The following ZNF837 variants were observed in gnomAD, a reference collection of about 807,000 sequenced individuals.
ZNF837 encodes the protein zinc finger protein 837.
For synonymous variants in ZNF837, 475 were observed against 365.2 expected (o/e 1.30, Z -3.43); for missense variants, 955 against 801.7 (o/e 1.19, Z -2.31).
chr19:58,376,615 A>C (rs1273938681), intron 1 of ZNF837, among the ~76,000 whole-genome samples: 1 of 151,312 alleles, frequency 6.6e-6, no homozygotes, highest in Non-Finnish European at 1.5e-5. Flanking sequence ...AAAGGAAAAA[A>C]AAAGAGAAAA....
At chr19:58,380,679 C>T (rs541353745) in intron 1 of ZNF837, among the ~76,000 whole-genome samples, 4 of 152,336 alleles carry the variant, frequency 2.6e-5, no homozygotes, top group South Asian at 4.1e-4. Flanking sequence ...TGGAGCCTCC[C>T]CTCGCGGGCT....
Position 58,369,329 on chromosome 19 carries a change from C to G in ZNF837, c.4G>C (p.Glu2Gln). The G allele has an allele frequency of 7.3e-7, 1 of 1,361,704 alleles. No homozygotes were observed. The highest frequency in any genetic ancestry group is 1.9e-4 in the Middle Eastern group (1 of 5,272). 84.4% of individuals were successfully genotyped at this position (1,361,704 alleles called of 1,614,324 possible). ...TGCCCAGCCTTCTGGGCTGGAGCCT[C>G]CATCCTGGGGCGCAGAGTTCTGGTT... M[E>Q]APAQKAGQGG... The change falls in exon 3 of 3, where the codon GAG becomes CAG. Residue 2 changes from glutamate (E) to glutamine (Q), a missense_variant. Physicochemically the swap from Glu to Gln is conservative, Grantham distance 29. Transcript: ENST00000597582.
chr19:58,373,224 C>T (rs146644952), intron 1 of ZNF837, among the ~76,000 whole-genome samples: 1,753 of 152,354 alleles, frequency 0.012, 14 homozygotes, highest in Non-Finnish European at 0.018. Context: ...ATCTCCCTCC[C>T]TCAAGAGTGG....
rs1317213556 is a variant in ZNF837, at chr19:58,369,119, C to A, written c.214G>T (p.Val72Leu). 2.7e-6 allele frequency: 4 copies of A among 1,484,114 alleles called. No homozygotes were observed. Among genetic ancestry groups the A allele is most frequent in the Non-Finnish European group, 3.6e-6 (4 of 1,119,154 alleles). The allele number at this position is 1,484,114 out of a possible 1,614,324, so 91.9% of individuals were successfully genotyped here. A position where few individuals can be genotyped will look rare whatever the true frequency, so the allele number is the denominator to read the frequency against. ...GGGSRGCSLGVSPGPGTRHSA... is the reference protein window; with the variant it reads ...GGGSRGCSLGLSPGPGTRHSA... The stretch of plus-strand genomic sequence containing the variant: ...TGCCGGGTCCCCGGGCCGGGGCTCA[C>A]CCCGAGGCTGCAGCCCCGGGAGCCC... Residue 72 changes from valine (V) to leucine (L), a missense_variant, in exon 3 of 3, where the codon GTG (valine) becomes TTG (leucine). By Grantham distance (32) the Val-to-Leu change is conservative. Transcript: ENST00000597582.
chr19:58,377,604 C>T (rs2052259820), intron 1 of ZNF837, among the ~76,000 whole-genome samples: 3 of 152,192 alleles, frequency 2.0e-5, no homozygotes, highest in Non-Finnish European at 2.9e-5. Flanking sequence ...CACCACTGCA[C>T]GCCAGCCTGG....
chr19:58,368,339 G>T lies in ZNF837; in HGVS notation c.994C>A (p.Leu332Met). 6.6e-7 allele frequency: 1 copy of T among 1,521,696 alleles called. No homozygotes were observed. The highest frequency in any genetic ancestry group is 8.8e-7 in the Non-Finnish European group (1 of 1,140,162). 94.3% of individuals were successfully genotyped at this position (1,521,696 alleles called of 1,614,324 possible). A position where few individuals can be genotyped will look rare whatever the true frequency, so the allele number is the denominator to read the frequency against. ...CCCAGCCGGAAGGCGCGCCGCGCCA[G>T]GACGGGGCCACGCCGGTGGCGCTCG... ...SAERHRRGPV[L>M]ARRAFRLGCP... Residue 332 changes from leucine (L) to methionine (M), a missense_variant, in exon 3 of 3, where the codon CTG (leucine) becomes ATG (methionine). Physicochemically the swap from Leu to Met is conservative, Grantham distance 15 (BLOSUM62 2). Transcript: ENST00000597582.
At position 58,368,042 on chromosome 19, in the gene ZNF837, G is replaced by A. The variant is rs897288699; in HGVS notation, c.1291C>T (p.Arg431Cys). 4 of 1,535,582 alleles carry A rather than the reference G, an allele frequency of 2.6e-6. No individual in the cohort carries two copies. Among genetic ancestry groups the A allele is most frequent in the African/African-American group, 2.8e-5 (2 of 72,270 alleles). Residue 431 changes from arginine to cysteine, a missense_variant, in exon 3 of 3, where the codon CGC becomes TGC. Transcript: ENST00000597582. ...CGCTGGTGTTGCACCAGGCCCGAGC[G>A]GCCCTTGAAGGCCTTTTCGCACAGT... ...CPLCEKAFKG[R>C]SGLVQHQRAH...
At chr19:58,374,188 T>C (rs1011305127) in intron 1 of ZNF837, among the ~76,000 whole-genome samples, 2 of 152,136 alleles carry the variant, frequency 1.3e-5, no homozygotes, top group Non-Finnish European at 2.9e-5. Flanking sequence ...CACCCCTAGG[T>C]ATCCACCCAA....
At chr19:58,373,278 A>T (rs1359857947) in intron 1 of ZNF837, among the ~76,000 whole-genome samples, 1 of 151,982 alleles carries the variant, frequency 6.6e-6, no homozygotes, top group Non-Finnish European at 1.5e-5. Context: ...ACCTCCCCCC[A>T]CTGTGGGCTC....
At chr19:58,372,358 C>T (rs554604862) in intron 1 of ZNF837, among the ~76,000 whole-genome samples, 2 of 152,080 alleles carry the variant, frequency 1.3e-5, no homozygotes, top group East Asian at 2.0e-4. Flanking sequence ...CGCACCCAGC[C>T]GATATCCATT....
Position 58,368,451 on chromosome 19 carries a change from C to T in ZNF837, c.882G>A (p.Thr294=). The stretch of plus-strand genomic sequence containing the variant: ...CGGCGCACTCGTAGGGCCGCTCGCC[C>T]GTGTGGATGCGCTGGTGCTGCAGCA... ...SSLLQHQRIH[T]GERPYECAEC... is the part of the protein sequence containing the mutation. The change falls in exon 3 of 3, where the codon ACG becomes ACA. Residue 294 remains threonine (T), a synonymous_variant. Coordinates refer to ENST00000597582, the MANE Select transcript of ZNF837 (RefSeq NM_138466.2). 1.9e-6 allele frequency: 3 copies of T among 1,566,444 alleles called. No individual in the cohort carries two copies. The highest frequency in any genetic ancestry group is 2.6e-6 in the Non-Finnish European group (3 of 1,158,366).
rs59075587 is a variant in ZNF837 at position 58,376,554 on chromosome 19, C to CAAAAAAAAAAAAAAAAA, written c.-140+4370_-140+4386dup. Among the ~76,000 whole-genome samples the CAAAAAAAAAAAAAAAAA allele has an allele frequency of 1.8e-3, 122 of 67,790 alleles. 1 individual carries two copies. Among genetic ancestry groups the CAAAAAAAAAAAAAAAAA allele is most frequent in the African/African-American group, 2.2e-3 (34 of 15,556 alleles). The allele number at this position is 67,790 out of a possible 152,430, so 44.5% of individuals were successfully genotyped here. ...TGGGTGACAGAGCAAGACTCTGTCT[C>CAAAAAAAAAAAAAAAAA]AAAAAAAAAAAAAAAAAAAAAAAAA... On this transcript the variant is annotated intron_variant, in intron 1 of 2. Transcript: ENST00000597582.
chr19:58,378,944 G>C (rs2052270035), intron 1 of ZNF837, among the ~76,000 whole-genome samples: 1 of 152,198 alleles, frequency 6.6e-6, no homozygotes, highest in Non-Finnish European at 1.5e-5. Context: ...AGAGCCGTCA[G>C]AGAGCACAGT....
chr19:58,372,840 G>A (rs1158640354), intron 1 of ZNF837, among the ~76,000 whole-genome samples: 1 of 152,238 alleles, frequency 6.6e-6, no homozygotes, highest in Non-Finnish European at 1.5e-5. Flanking sequence ...AGTTGGACAA[G>A]TTCTGCAGGT....
At position 58,369,371 on chromosome 19, in the gene ZNF837, C is replaced by T; in HGVS notation, c.-29-10G>A. 1 of 1,325,190 alleles carries T rather than the reference C, an allele frequency of 7.5e-7. No individual in the cohort carries two copies. The highest frequency in any genetic ancestry group is 2.2e-5 in the South Asian group (1 of 44,826). 82.1% of individuals were successfully genotyped at this position (1,325,190 alleles called of 1,614,324 possible). A position where few individuals can be genotyped will look rare whatever the true frequency, so the allele number is the denominator to read the frequency against. On this transcript the variant is annotated splice_polypyrimidine_tract_variant and intron_variant, in intron 2 of 2. Transcript: ENST00000597582. Reference sequence around the variant, plus strand: ...GTTCTGGTTGTAGGATCTGGAAGAGCAGAGAAGAAATGGAGGTTGGCGGTT... The same window carrying T: ...GTTCTGGTTGTAGGATCTGGAAGAGTAGAGAAGAAATGGAGGTTGGCGGTT...
Position 58,368,033 on chromosome 19 carries a change from G to C in ZNF837, c.1300C>G (p.Leu434Val). The change falls in exon 3 of 3, where the codon CTG becomes GTG. Residue 434 changes from leucine (L) to valine (V), a missense_variant. Coordinates refer to ENST00000597582, the MANE Select transcript of ZNF837 (RefSeq NM_138466.2). ...GTGTGCGCGCGCTGGTGTTGCACCAGGCCCGAGCGGCCCTTGAAGGCCTTT... is the reference window on the plus strand; with the variant it reads ...GTGTGCGCGCGCTGGTGTTGCACCACGCCCGAGCGGCCCTTGAAGGCCTTT... Reference protein sequence around the residue: ...CEKAFKGRSGLVQHQRAHTGE... With the variant: ...CEKAFKGRSGVVQHQRAHTGE... 1 of 1,536,638 alleles carries C rather than the reference G, an allele frequency of 6.5e-7. No individual in the cohort carries two copies. Among genetic ancestry groups the C allele is most frequent in the Non-Finnish European group, 8.7e-7 (1 of 1,145,808 alleles).
intron 1 of ZNF837, among the ~76,000 whole-genome samples, chr19:58,380,498 T>C (rs774693059): frequency 2.2e-4 from 34 of 152,100 alleles, no homozygotes; most frequent in Non-Finnish European, 4.3e-4. Context: ...AGGCAGCGGA[T>C]TCTTCGGGCC....
chr19:58,375,313 AAATTAC>A (rs2052235801), intron 1 of ZNF837, among the ~76,000 whole-genome samples: 1 of 34,576 alleles, frequency 2.9e-5, no homozygotes, highest in East Asian at 1.5e-3. Context: ...TATATATATA[AAATTAC>A]ATATATACTT....
In ZNF837 at chr19:58,368,838, C is replaced by T; in HGVS notation, c.495G>A (p.Thr165=). Residue 165 remains threonine (T), a synonymous_variant, in exon 3 of 3, where the codon ACG becomes ACA. Coordinates refer to ENST00000597582, the MANE Select transcript of ZNF837 (RefSeq NM_138466.2). ...HPRTQLCEVH[T]DCWPCQPGTG... ...TCCCTGGTTGGCACGGCCAACAGTC[C>T]GTGTGGACCTCACACAGTTGAGTCC... The T allele has an allele frequency of 6.5e-7, 1 of 1,547,072 alleles. No individual in the cohort carries two copies. The highest frequency in any genetic ancestry group is 1.4e-5 in the African/African-American group (1 of 73,158).
Sources: gnomAD v4.1 joint callset for allele counts (sites outside exome capture counted in the v4.1 genomes callset) on GRCh38, gnomAD v4.1.1 for gene constraint, MANE v1.5 for transcripts, NCBI Gene and HGNC (gene_info 2026-07-23, HGNC 2026-07-21) for gene names.